Variants in PAN3 observed in about 807,000 individuals in gnomAD.
The protein encoded by PAN3 is PAN2-PAN3 deadenylation complex subunit PAN3.
In PAN3, 19 loss-of-function variants were observed where a neutral mutation model predicts 96.2. The observed-to-expected ratio is 0.20, with a 90% CI of 0.14 to 0.29. PAN3 has a LOEUF of 0.29. Among genes scored for constraint, PAN3 ranks in the 10% least tolerant of loss-of-function variants. The pLI, the probability that PAN3 is intolerant of heterozygous loss-of-function variation, is 1.00. For synonymous variants in PAN3, 433 were observed against 406.6 expected, an observed-to-expected ratio of 1.06 and a Z score of -0.78; for missense variants, 882 against 1,108.1, an observed-to-expected ratio of 0.80 and a Z score of 2.90.
At chr13:28,235,821 C>T (rs1054312521) in intron 6 of PAN3, among the ~76,000 whole-genome samples, 2 of 151,586 alleles carry the variant, frequency 1.3e-5, no homozygotes, top group Non-Finnish European at 1.5e-5. Flanking sequence ...CTCCTGGGCT[C>T]CTGTCTCACC....
rs370427002 is a variant in PAN3, at chr13:28,174,245, A to G, written c.431-27A>G. The G allele has an allele frequency of 1.0e-5, 16 of 1,598,168 alleles. No homozygotes were observed. In the African/African-American group the frequency reaches 2.0e-4, roughly 20 times the overall value. On this transcript the variant is annotated intron_variant, in intron 1 of 18. Transcript: ENST00000380958. Reference sequence around the variant, plus strand: ...TGTTTCATCCTCTGAAATAATTTTAAATACTTGAATTTTCCTTCTCTTTCA... The same window carrying G: ...TGTTTCATCCTCTGAAATAATTTTAGATACTTGAATTTTCCTTCTCTTTCA...
At chr13:28,270,938 A>G in intron 13 of PAN3, 72 bp downstream of exon 13, 1 of 1,369,048 alleles carries the variant, frequency 7.3e-7, no homozygotes, top group Non-Finnish European at 1.0e-6. Context: ...ACAAAACATG[A>G]TTGTTTTAAT....
intron 6 of PAN3, among the ~76,000 whole-genome samples, chr13:28,241,310 G>A (rs1267690189): frequency 6.6e-6 from 1 of 152,178 alleles, no homozygotes; most frequent in East Asian, 1.9e-4. Context: ...TCAACAGAAG[G>A]CTGTACTTGC....
intron 4 of PAN3, among the ~76,000 whole-genome samples, chr13:28,191,262 A>G (rs1877225499): frequency 6.6e-6 from 1 of 152,180 alleles, no homozygotes; most frequent in South Asian, 2.1e-4. Flanking sequence ...ACCTGCTTCC[A>G]GTTAATCACC....
In PAN3 at chr13:28,256,340, C is replaced by T. The variant is rs1262136063; in HGVS notation, c.1049C>T (p.Thr350Ile). The change falls in exon 7 of 19, where the codon ACT becomes ATT. Residue 350 changes from threonine to isoleucine, a missense_variant. Physicochemically the swap from Thr to Ile is moderately conservative, Grantham distance 89 (BLOSUM62 -1). Coordinates refer to ENST00000380958, the MANE Select transcript of PAN3 (RefSeq NM_175854.8). ...TCCCCTCTTCATTCCCCCAAGATTA[C>T]TCCACATACTTCTCCTGCTCCCAGA... ...GSSPLHSPKI[T>I]PHTSPAPRRR... is the part of the protein sequence containing the mutation. 1 of 1,613,696 alleles carries T rather than the reference C, an allele frequency of 6.2e-7. No individual in the cohort carries two copies.
At chr13:28,269,581 CAG>C (rs1316872178) in intron 12 of PAN3, among the ~76,000 whole-genome samples, 1 of 151,890 alleles carries the variant, frequency 6.6e-6, no homozygotes, top group Admixed American at 6.6e-5. Flanking sequence ...ACAACTAGAA[CAG>C]AGTCTGGCAC....
chr13:28,251,756 T>C (rs1486677906), intron 6 of PAN3, among the ~76,000 whole-genome samples: 3 of 152,096 alleles, frequency 2.0e-5, no homozygotes, highest in African/African-American at 7.3e-5. Flanking sequence ...TCGTGTACCC[T>C]TGTGGGCCTT....
intron 5 of PAN3, among the ~76,000 whole-genome samples, chr13:28,200,484 A>T (rs932391501): frequency 6.6e-6 from 1 of 152,210 alleles, no homozygotes; most frequent in African/African-American, 2.4e-5. Flanking sequence ...CCGAGCTCTG[A>T]TGGAATGCAG....
Position 28,197,628 on chromosome 13 carries a change from A to G in PAN3, c.852+282A>G, listed in dbSNP as rs181597992. On this transcript the variant is annotated intron_variant, in intron 5 of 18. Transcript: ENST00000380958. ...CACTCTGTCCCCCAGGCTGGAGTGC[A>G]GTGGCACCATCTTACCTCACTGTAA... 3.2e-3 allele frequency among the ~76,000 whole-genome samples: 482 copies of G among 152,068 alleles called. 1 individual carries two copies. The highest frequency in any genetic ancestry group is 0.011 in the African/African-American group (439 of 41,474).
At chr13:28,183,151 T>C (rs1431662958) in intron 4 of PAN3, among the ~76,000 whole-genome samples, 3 of 152,064 alleles carry the variant, frequency 2.0e-5, no homozygotes, top group African/African-American at 7.2e-5. Context: ...GAATCAAGTA[T>C]TGATGTCAGA....
chr13:28,199,933 T>C (rs1190654051), intron 5 of PAN3, among the ~76,000 whole-genome samples: 1 of 152,232 alleles, frequency 6.6e-6, no homozygotes, highest in African/African-American at 2.4e-5. Flanking sequence ...GCTATGTTTC[T>C]TTAATGGTTG....
intron 5 of PAN3, among the ~76,000 whole-genome samples, chr13:28,207,641 T>C (rs1287165617): frequency 6.6e-6 from 1 of 152,248 alleles, no homozygotes; most frequent in Non-Finnish European, 1.5e-5. Flanking sequence ...TAAGATTGAA[T>C]TCATACATAC....
chr13:28,201,053 T>C (rs985158122), intron 5 of PAN3, among the ~76,000 whole-genome samples: 1 of 152,020 alleles, frequency 6.6e-6, no homozygotes, highest in African/African-American at 2.4e-5. Flanking sequence ...TTTTTTTTTT[T>C]CGAGACAGGG....
intron 13 of PAN3, among the ~76,000 whole-genome samples, chr13:28,271,360 C>G (rs984842625): frequency 2.6e-5 from 4 of 152,166 alleles, no homozygotes; most frequent in African/African-American, 7.2e-5. Context: ...TTGTCTTCAC[C>G]TGAGTTTTGA....
chr13:28,215,692 A>C (rs1880661705), intron 5 of PAN3: 1 of 1,487,272 alleles, frequency 6.7e-7, no homozygotes, highest in Non-Finnish European at 9.1e-7. Context: ...AAATTCTTGA[A>C]GTCTGGTGAT....
At chr13:28,228,209 A>C (rs569250114) in intron 6 of PAN3, among the ~76,000 whole-genome samples, 2 of 152,328 alleles carry the variant, frequency 1.3e-5, no homozygotes, top group South Asian at 2.1e-4. Context: ...TGTAGGAATG[A>C]ATCAGATGGT....
chr13:28,182,801 G>A (rs1875966696), intron 4 of PAN3, among the ~76,000 whole-genome samples: 1 of 152,028 alleles, frequency 6.6e-6, no homozygotes, highest in Non-Finnish European at 1.5e-5. Context: ...CCTAGCTTGG[G>A]TCTCCCTTTT....
intron 4 of PAN3, among the ~76,000 whole-genome samples, chr13:28,194,467 T>TATATATA (rs1491280126): frequency 6.3e-4 from 62 of 98,972 alleles, no homozygotes; most frequent in African/African-American, 2.7e-3. Context: ...TATATATATA[T>TATATATA]TTTTTTTTTT....
rs972414968 is a variant in PAN3, at chr13:28,138,684, C to A, written c.27C>A (p.Pro9=). 1.1e-6 allele frequency: 1 copy of A among 938,464 alleles called. No individual in the cohort carries two copies. The highest frequency in any genetic ancestry group is 1.4e-6 in the Non-Finnish European group (1 of 694,696). The allele number at this position is 938,464 out of a possible 1,614,324, so 58.1% of individuals were successfully genotyped here. A position where few individuals can be genotyped will look rare whatever the true frequency, so the allele number is the denominator to read the frequency against. Residue 9 remains proline (P), a synonymous_variant, in exon 1 of 19, where the codon CCC becomes CCA. Coordinates refer to ENST00000380958, the MANE Select transcript of PAN3 (RefSeq NM_175854.8). Reference sequence around the variant, plus strand: ...TGAACAGTGGCGGCGGCCTCCCGCCCCCCTCGGCCGCCGCCTCCCCTTCCT... The same window carrying A: ...TGAACAGTGGCGGCGGCCTCCCGCCACCCTCGGCCGCCGCCTCCCCTTCCT... MNSGGGLP[P]PSAAASPSSS...
Sources: gnomAD v4.1 joint callset for allele counts (sites outside exome capture counted in the v4.1 genomes callset) on GRCh38, gnomAD v4.1.1 for gene constraint, MANE v1.5 for transcripts, NCBI Gene and HGNC (gene_info 2026-07-23, HGNC 2026-07-21) for gene names.